EPB41L4A: variants seen among roughly 807,000 people sequenced by gnomAD.
EPB41L4A encodes erythrocyte membrane protein band 4.1 like 4A.
EPB41L4A carries 100 observed loss-of-function variants against 108.6 expected under a neutral mutation model. The ratio of observed to expected loss-of-function variants is 0.92; its 90% CI spans 0.78 to 1.09. The LOEUF is 1.09. EPB41L4A is among the 50% of genes least tolerant of loss of function. The pLI, the probability that EPB41L4A is intolerant of heterozygous loss-of-function variation, is 0.00. For missense variants in EPB41L4A, 1,030 were observed against 842.7 expected, an observed-to-expected ratio of 1.22 and a Z score of -2.75; for synonymous variants, 319 against 289.0, an observed-to-expected ratio of 1.10 and a Z score of -1.05.
intron 1 of EPB41L4A, among the ~76,000 whole-genome samples, chr5:112,361,379 T>G (rs1158486764): frequency 6.6e-6 from 1 of 152,240 alleles, no homozygotes; most frequent in Non-Finnish European, 1.5e-5. Context: ...ACACAAACAC[T>G]GCAGAAGGCG....
At chr5:112,372,591 A>G (rs1474396583) in intron 1 of EPB41L4A, among the ~76,000 whole-genome samples, 1 of 152,222 alleles carries the variant, frequency 6.6e-6, no homozygotes, top group East Asian at 1.9e-4. Context: ...TTCAGAAATG[A>G]AAGACCTAAG....
intron 2 of EPB41L4A, among the ~76,000 whole-genome samples, chr5:112,290,583 A>G (rs1561543948): frequency 6.6e-6 from 1 of 152,170 alleles, no homozygotes; most frequent in African/African-American, 2.4e-5. Context: ...TTTCGACTAC[A>G]TTTTGGGTAA....
chr5:112,189,987 C>T (rs1274337419), intron 17 of EPB41L4A, among the ~76,000 whole-genome samples: 1 of 152,200 alleles, frequency 6.6e-6, no homozygotes, highest in African/African-American at 2.4e-5. Context: ...CTGGGCAAGT[C>T]CAGCACATGG....
chr5:112,356,365 T>G (rs980764811), intron 1 of EPB41L4A, among the ~76,000 whole-genome samples: 1 of 152,182 alleles, frequency 6.6e-6, no homozygotes, highest in African/African-American at 2.4e-5. Flanking sequence ...ACTGTCTAAC[T>G]TACCACTTTG....
Position 112,240,731 on chromosome 5 carries a change from T to C in EPB41L4A, c.875A>G (p.His292Arg), listed in dbSNP as rs1749723255. The C allele has an allele frequency of 6.5e-7, 1 of 1,545,572 alleles. No homozygotes were observed. The highest frequency in any genetic ancestry group is 1.4e-5 in the African/African-American group (1 of 70,632). ...TACATCAATTTACCTAAAAAATGTA[T>C]GATGTTCCACACTGCACTTCCAGAG... ...KHLWKCSVEH[H>R]TFFRMPENES... The change falls in exon 10 of 23, where the codon CAT (histidine) becomes CGT (arginine). Residue 292 changes from histidine (H) to arginine (R), a missense_variant. By Grantham distance (29) the His-to-Arg change is conservative (BLOSUM62 0). Coordinates refer to ENST00000261486, the MANE Select transcript of EPB41L4A (RefSeq NM_022140.5).
At chr5:112,274,408 T>C (rs1243345516) in intron 4 of EPB41L4A, among the ~76,000 whole-genome samples, 1 of 152,172 alleles carries the variant, frequency 6.6e-6, no homozygotes. Context: ...GGCCTAAATA[T>C]GGCACTTCAA....
At chr5:112,267,250 T>C (rs1264250787) in intron 4 of EPB41L4A, among the ~76,000 whole-genome samples, 2 of 152,308 alleles carry the variant, frequency 1.3e-5, no homozygotes, top group East Asian at 1.9e-4. Context: ...GCCTGTCCTT[T>C]TGTGACTTCT....
chr5:112,243,239 G>GTATA (rs1750481740), intron 9 of EPB41L4A, among the ~76,000 whole-genome samples: 1 of 148,044 alleles, frequency 6.8e-6, no homozygotes, highest in African/African-American at 2.5e-5. Context: ...ATATATCTAT[G>GTATA]TATATATACA....
intron 2 of EPB41L4A, among the ~76,000 whole-genome samples, chr5:112,291,823 C>T (rs867532256): frequency 1.3e-5 from 2 of 152,210 alleles, no homozygotes; most frequent in African/African-American, 4.8e-5. Context: ...TCCCCCATAC[C>T]TCACCTTACA....
chr5:112,289,446 G>A (rs1753503967), intron 2 of EPB41L4A, among the ~76,000 whole-genome samples: 1 of 152,144 alleles, frequency 6.6e-6, no homozygotes, highest in African/African-American at 2.4e-5. Flanking sequence ...AATTTGAGTG[G>A]CAGGGGGTTT....
intron 1 of EPB41L4A, among the ~76,000 whole-genome samples, chr5:112,375,780 C>T (rs1759781212): frequency 1.3e-5 from 2 of 151,994 alleles, no homozygotes; most frequent in Non-Finnish European, 1.5e-5. Flanking sequence ...ATTGCAATGA[C>T]GATGATCTGC....
At chr5:112,291,412 G>C (rs2150535155) in intron 2 of EPB41L4A, among the ~76,000 whole-genome samples, 1 of 152,272 alleles carries the variant, frequency 6.6e-6, no homozygotes, top group Middle Eastern at 3.4e-3. Context: ...CTAACCACCT[G>C]TGGTGTTTAT....
At chr5:112,302,500 C>A (rs1353855447) in intron 2 of EPB41L4A, among the ~76,000 whole-genome samples, 1 of 152,174 alleles carries the variant, frequency 6.6e-6, no homozygotes, top group Non-Finnish European at 1.5e-5. Context: ...GTGGACCACA[C>A]ATGTTAAAGC....
At chr5:112,234,807 A>C (rs760006644) in intron 11 of EPB41L4A, 52 bp from the exon 12 acceptor site, 1 of 1,568,760 alleles carries the variant, frequency 6.4e-7, no homozygotes, top group East Asian at 2.3e-5. Context: ...CAGCCACAAA[A>C]TTAAACAACA....
chr5:112,188,103 G>A (rs959761833), intron 17 of EPB41L4A, among the ~76,000 whole-genome samples: 2 of 152,192 alleles, frequency 1.3e-5, no homozygotes, highest in East Asian at 1.9e-4. Flanking sequence ...CCAGACAATT[G>A]CTTCACATGG....
chr5:112,214,041 G>T (rs1747432782), intron 12 of EPB41L4A, among the ~76,000 whole-genome samples: 1 of 152,182 alleles, frequency 6.6e-6, no homozygotes, highest in Non-Finnish European at 1.5e-5. Context: ...GAGAAATTTA[G>T]GTTATGCATT....
chr5:112,349,203 G>C (rs900267104), intron 1 of EPB41L4A, among the ~76,000 whole-genome samples: 6 of 152,250 alleles, frequency 3.9e-5, no homozygotes, highest in African/African-American at 9.6e-5. Context: ...GTCAAAATGG[G>C]AAAAGGGGGA....
chr5:112,241,328 T>G (rs1368802970), intron 9 of EPB41L4A, among the ~76,000 whole-genome samples: 5 of 152,216 alleles, frequency 3.3e-5, no homozygotes, highest in Non-Finnish European at 5.9e-5. Context: ...GCCATGTCTC[T>G]CCATCCTGCA....
intron 9 of EPB41L4A, among the ~76,000 whole-genome samples, chr5:112,258,752 C>G (rs953839802): frequency 6.6e-6 from 1 of 152,206 alleles, no homozygotes; most frequent in Non-Finnish European, 1.5e-5. Flanking sequence ...TTTTTACATT[C>G]TCCCTTGAAA....
Sources: gnomAD v4.1 joint callset for allele counts (sites outside exome capture counted in the v4.1 genomes callset) on GRCh38, gnomAD v4.1.1 for gene constraint, MANE v1.5 for transcripts, NCBI Gene and HGNC (gene_info 2026-07-23, HGNC 2026-07-21) for gene names.